Variants in PTPRU observed in about 807,000 individuals in gnomAD.
PTPRU encodes receptor-type tyrosine-protein phosphatase U.
A neutral mutation model predicts 166.3 loss-of-function variants in PTPRU; 69 were observed. The observed-to-expected ratio is 0.41, with a 90% CI of 0.34 to 0.51. The LOEUF is 0.51. Ranked by LOEUF, PTPRU falls within the 20% of genes least tolerant of loss-of-function variation. PTPRU has a pLI of 0.09. For synonymous variants in PTPRU, 793 were observed against 814.0 expected (o/e 0.97, Z 0.44); for missense variants, 1,657 against 2,013.7 (o/e 0.82, Z 3.39).
chr1:29,304,650 A>C (rs1687297751), intron 16 of PTPRU, 124 bp from the exon 17 acceptor site: 2 of 649,064 alleles, frequency 3.1e-6, no homozygotes, highest in African/African-American at 3.7e-5. Flanking sequence ...CTCAGGCCCA[A>C]GTTCAGCTTG....
intron 12 of PTPRU, among the ~76,000 whole-genome samples, chr1:29,283,344 C>A (rs1226777127): frequency 6.6e-6 from 1 of 151,370 alleles, no homozygotes; most frequent in Non-Finnish European, 1.5e-5. Context: ...ATGGTCCCAC[C>A]CCTCCCATAG....
chr1:29,279,389 G>T lies in PTPRU; in HGVS notation c.1564-67G>T, dbSNP rs1253003851. On this transcript the variant is annotated intron_variant, in intron 9 of 29. Transcript: ENST00000373779. The surrounding 1 kb of genome is among the most constrained non-coding windows in gnomAD (Gnocchi z 5.2). Reference sequence around the variant, plus strand: ...CTCTCACTTCCCTGGGACATGGTGGGTGGAGGCTGCTGGTCAGGGATGCTC... The same window carrying T: ...CTCTCACTTCCCTGGGACATGGTGGTTGGAGGCTGCTGGTCAGGGATGCTC... 2.5e-5 allele frequency: 37 copies of T among 1,502,260 alleles called. No individual in the cohort carries two copies. The highest frequency in any genetic ancestry group is 3.4e-5 in the Non-Finnish European group (37 of 1,080,168). The allele number at this position is 1,502,260 out of a possible 1,614,324, so 93.1% of individuals were successfully genotyped here.
At chr1:29,313,584 A>G (rs2151967620) in intron 22 of PTPRU, among the ~76,000 whole-genome samples, 1 of 152,338 alleles carries the variant, frequency 6.6e-6, no homozygotes, top group South Asian at 2.1e-4. Flanking sequence ...GGCTGGGCAC[A>G]GGGGCTCATG....
intron 1 of PTPRU, 152 bp from the exon 2 acceptor site, chr1:29,255,123 C>A: frequency 1.1e-6 from 1 of 920,938 alleles, no homozygotes; most frequent in Non-Finnish European, 1.6e-6. Context: ...GGGAGAATTT[C>A]ACTAGAGGGA....
At chr1:29,288,032 C>G (rs746311466) in intron 14 of PTPRU, among the ~76,000 whole-genome samples, 1 of 152,138 alleles carries the variant, frequency 6.6e-6, no homozygotes. Context: ...CCAGGCTGGT[C>G]TCAAACTCCC....
chr1:29,267,651 G>C (rs1685363557), intron 7 of PTPRU, among the ~76,000 whole-genome samples: 1 of 152,184 alleles, frequency 6.6e-6, no homozygotes, highest in Non-Finnish European at 1.5e-5. Flanking sequence ...TGACTGAGTG[G>C]GAGATGGCAG....
rs777886906 is a variant in PTPRU at position 29,291,854 on chromosome 1, A to C, written c.2319-15A>C. ...CCACACAATGCCTGTGTCTCCCCTC[A>C]ACCCCCCTCTCCAGGAAGCCGGTGA... On this transcript the variant is annotated splice_polypyrimidine_tract_variant and intron_variant, in intron 14 of 29. Transcript: ENST00000373779. This position sits in a 1 kb window ranked among gnomAD's most constrained non-coding sequence, Gnocchi z 4.1. The C allele has an allele frequency of 3.7e-6, 6 of 1,612,974 alleles. No individual in the cohort carries two copies. The East Asian group carries it at 1.3e-4, about 36-fold the overall frequency.
At chr1:29,246,307 A>G (rs1346148523) in intron 1 of PTPRU, among the ~76,000 whole-genome samples, 3 of 152,134 alleles carry the variant, frequency 2.0e-5, no homozygotes, top group Non-Finnish European at 4.4e-5. Context: ...GTCCTTTTCC[A>G]GGTTTTTGTT....
chr1:29,260,140 G>T lies in PTPRU; in HGVS notation c.850+96G>T. On this transcript the variant is annotated intron_variant, in intron 6 of 29. Coordinates refer to ENST00000373779, the MANE Select transcript of PTPRU (RefSeq NM_133178.4). The surrounding 1 kb of genome is among the most constrained non-coding windows in gnomAD (Gnocchi z 8.3). Reference sequence around the variant, plus strand: ...TCTGCCCGGGGGCGTGGCCGTGGGGGGTGGGGCCGGCAGGGTGTCGCTGGG... The same window carrying T: ...TCTGCCCGGGGGCGTGGCCGTGGGGTGTGGGGCCGGCAGGGTGTCGCTGGG... 2.4e-5 allele frequency: 29 copies of T among 1,227,780 alleles called. No individual in the cohort carries two copies. Among genetic ancestry groups the T allele is most frequent in the Non-Finnish European group, 2.9e-5 (28 of 955,638 alleles). 76.1% of individuals were successfully genotyped at this position (1,227,780 alleles called of 1,614,324 possible). A position where few individuals can be genotyped will look rare whatever the true frequency, so the allele number is the denominator to read the frequency against.
chr1:29,280,103 G>A lies in PTPRU; in HGVS notation c.1830G>A (p.Val610=), dbSNP rs769664316. The A allele has an allele frequency of 6.2e-7, 1 of 1,613,500 alleles. No homozygotes were observed. The highest frequency in any genetic ancestry group is 8.5e-7 in the Non-Finnish European group (1 of 1,180,006). Residue 610 remains valine (V), a synonymous_variant, in exon 11 of 30, where the codon GTG becomes GTA. Coordinates refer to ENST00000373779, the MANE Select transcript of PTPRU (RefSeq NM_133178.4). This position sits in a 1 kb window ranked among gnomAD's most constrained non-coding sequence, Gnocchi z 4.2. ...GCGAGTCTGAGAACACCATCACCGT[G>A]CTGCTGAGGCCGGCACAGGGCCGCG... ...PLGESENTIT[V]LLRPAQGRGA...
chr1:29,285,722 C>A (rs1168556259), intron 14 of PTPRU, among the ~76,000 whole-genome samples: 1 of 152,196 alleles, frequency 6.6e-6, no homozygotes, highest in African/African-American at 2.4e-5. Flanking sequence ...CACCAGAAAA[C>A]CCTTCCCTGG....
intron 15 of PTPRU, among the ~76,000 whole-genome samples, chr1:29,293,366 C>G (rs374334801): frequency 6.6e-6 from 1 of 152,158 alleles, no homozygotes; most frequent in African/African-American, 2.4e-5. Context: ...CTCAATTGAT[C>G]TGTCCGCCTC....
At chr1:29,281,014 G>A (rs1474656491) in intron 11 of PTPRU, among the ~76,000 whole-genome samples, 7 of 152,152 alleles carry the variant, frequency 4.6e-5, no homozygotes, top group Admixed American at 4.6e-4. Context: ...TCTATCTGCT[G>A]TGCCTGTACC....
rs368577199 is a variant in PTPRU, at chr1:29,284,715, G to A, written c.2180-16G>A. ...TGTCTTTCCTCTGATCCCTTGTTCT[G>A]CTTTGTTCTCCCCAGCTGCCTGCAA... On this transcript the variant is annotated splice_polypyrimidine_tract_variant and intron_variant, in intron 13 of 29. Coordinates refer to ENST00000373779, the MANE Select transcript of PTPRU (RefSeq NM_133178.4). 47 of 1,613,914 alleles carry A rather than the reference G, an allele frequency of 2.9e-5. No individual in the cohort carries two copies. Among genetic ancestry groups the A allele is most frequent in the Non-Finnish European group, 3.7e-5 (44 of 1,179,980 alleles).
intron 15 of PTPRU, among the ~76,000 whole-genome samples, chr1:29,292,873 T>TGGC (rs1323492911): frequency 6.7e-6 from 1 of 149,870 alleles, no homozygotes; most frequent in Non-Finnish European, 1.5e-5. Context: ...TGGAGTGCAG[T>TGGC]GGCATGATCT....
Position 29,258,495 on chromosome 1 carries a change from C to T in PTPRU, c.206-10C>T. ...TCCTCATCTCCTGCCTCTTCCTCCT[C>T]TCTTTCCAGGCTCCTACTTGATGGT... On this transcript the variant is annotated splice_polypyrimidine_tract_variant and intron_variant, in intron 2 of 29. Coordinates refer to ENST00000373779, the MANE Select transcript of PTPRU (RefSeq NM_133178.4). The T allele has an allele frequency of 1.2e-6, 2 of 1,611,506 alleles. No homozygotes were observed. The highest frequency in any genetic ancestry group is 2.2e-5 in the South Asian group (2 of 90,660).
chr1:29,237,808 G>A lies in PTPRU; in HGVS notation c.73+1091G>A, dbSNP rs1477040199. 2.7e-5 allele frequency among the ~76,000 whole-genome samples: 4 copies of A among 146,276 alleles called. No individual in the cohort carries two copies. The highest frequency in any genetic ancestry group is 6.1e-5 in the Non-Finnish European group (4 of 65,838). On this transcript the variant is annotated intron_variant, in intron 1 of 29. Coordinates refer to ENST00000373779, the MANE Select transcript of PTPRU (RefSeq NM_133178.4). The surrounding 1 kb of genome is among the most constrained non-coding windows in gnomAD (Gnocchi z 6.4). ...GCGGGCCCCAGCGAGGGGCCGGCGG[G>A]CGGGCAGGGGAGGGCCGGACCGGCG...
chr1:29,317,652 G>A lies in PTPRU; in HGVS notation c.3514-96G>A, dbSNP rs1337484127. On this transcript the variant is annotated intron_variant, in intron 24 of 29. Coordinates refer to ENST00000373779, the MANE Select transcript of PTPRU (RefSeq NM_133178.4). This position sits in a 1 kb window ranked among gnomAD's most constrained non-coding sequence, Gnocchi z 5.6. Reference sequence around the variant, plus strand: ...ACCTCAGTTTCTCCATCCATAAAATGGGATTAGTAACTCAGTCCAGCCTCC... The same window carrying A: ...ACCTCAGTTTCTCCATCCATAAAATAGGATTAGTAACTCAGTCCAGCCTCC... 7 of 1,326,882 alleles carry A rather than the reference G, an allele frequency of 5.3e-6. No homozygotes were observed. The highest frequency in any genetic ancestry group is 7.2e-6 in the Non-Finnish European group (7 of 971,252). The allele number at this position is 1,326,882 out of a possible 1,614,324, so 82.2% of individuals were successfully genotyped here. A position where few individuals can be genotyped will look rare whatever the true frequency, so the allele number is the denominator to read the frequency against.
At chr1:29,306,121 T>TTGCTGCTGTGAGGCTGTCCTGCCCCC (rs1166246065) in intron 18 of PTPRU, among the ~76,000 whole-genome samples, 1 of 152,186 alleles carries the variant, frequency 6.6e-6, no homozygotes, top group African/African-American at 2.4e-5. Flanking sequence ...TCTAAAGCCT[T>TTGCTGCTGTGAGGCTGTCCTGCCCCC]TGCTGCTGTG....
Sources: gnomAD v4.1 joint callset for allele counts (sites outside exome capture counted in the v4.1 genomes callset) on GRCh38, gnomAD v4.1.1 for gene constraint, Gnocchi (gnomAD v3.1) non-coding constraint, MANE v1.5 for transcripts, NCBI Gene and HGNC (gene_info 2026-07-23, HGNC 2026-07-21) for gene names.